The following ULK4 variants were observed in gnomAD, a reference collection of about 807,000 sequenced individuals.
ULK4 encodes the protein unc-51 like kinase 4.
A neutral mutation model predicts 160.6 loss-of-function variants in ULK4; 133 were observed. That is an observed-to-expected ratio of 0.83 (90% CI 0.72 to 0.96). ULK4 has a LOEUF of 0.96. Ranked by LOEUF, ULK4 falls within the 40% of genes least tolerant of loss-of-function variation. The pLI is 0.00. For synonymous variants in ULK4, 534 were observed against 539.8 expected, an observed-to-expected ratio of 0.99 and a Z score of 0.15; for missense variants, 1,580 against 1,499.5, an observed-to-expected ratio of 1.05 and a Z score of -0.89.
At chr3:41,760,953 G>A (rs959601915) in intron 21 of ULK4, among the ~76,000 whole-genome samples, 13 of 152,226 alleles carry the variant, frequency 8.5e-5, no homozygotes, top group Admixed American at 4.6e-4. Context: ...TGACATGGAT[G>A]AATCTCACCT....
At chr3:41,615,604 C>G in intron 31 of ULK4, 65 bp downstream of exon 31, 1 of 1,531,822 alleles carries the variant, frequency 6.5e-7, no homozygotes, top group Non-Finnish European at 9.0e-7. Context: ...AGTCCTACAA[C>G]ATGGTTAAAA....
intron 35 of ULK4, among the ~76,000 whole-genome samples, chr3:41,328,657 A>G (rs140932311): frequency 3.9e-5 from 6 of 152,286 alleles, no homozygotes; most frequent in African/African-American, 9.6e-5. Context: ...AAACTCTTGA[A>G]AGGTGCTGAG....
chr3:41,742,259 G>A (rs1221911414), intron 22 of ULK4, among the ~76,000 whole-genome samples: 1 of 151,980 alleles, frequency 6.6e-6, no homozygotes, highest in Non-Finnish European at 1.5e-5. Flanking sequence ...AGTGGAAGCA[G>A]TAACAGTTAC....
intron 21 of ULK4, among the ~76,000 whole-genome samples, chr3:41,775,227 TAATAAA>T (rs1040280722): frequency 2.7e-5 from 4 of 150,290 alleles, no homozygotes; most frequent in Non-Finnish European, 5.9e-5. Flanking sequence ...ATAATAAAAG[TAATAAA>T]AATAAAAGAA....
At chr3:41,484,568 T>A (rs2084445853) in intron 32 of ULK4, among the ~76,000 whole-genome samples, 1 of 151,618 alleles carries the variant, frequency 6.6e-6, no homozygotes, top group African/African-American at 2.4e-5. Flanking sequence ...TTCTACTGCC[T>A]CAGCCTCCGG....
At chr3:41,308,788 C>G (rs2079995718) in intron 35 of ULK4, among the ~76,000 whole-genome samples, 1 of 151,922 alleles carries the variant, frequency 6.6e-6, no homozygotes, top group Non-Finnish European at 1.5e-5. Context: ...TTGGATTAGA[C>G]ATGCTCAAGC....
intron 25 of ULK4, 81 bp downstream of exon 25, chr3:41,715,156 C>A: frequency 1.4e-6 from 2 of 1,383,036 alleles, no homozygotes; most frequent in Non-Finnish European, 2.0e-6. Context: ...TTTTAAATTA[C>A]CTCATTCTGA....
intron 21 of ULK4, among the ~76,000 whole-genome samples, chr3:41,757,769 G>A (rs1162592853): frequency 6.6e-6 from 1 of 151,300 alleles, no homozygotes; most frequent in Non-Finnish European, 1.5e-5. Flanking sequence ...GAGTAGCTGG[G>A]ACTACAGGTG....
At chr3:41,787,017 C>T (rs561844554) in intron 21 of ULK4, among the ~76,000 whole-genome samples, 80 of 152,078 alleles carry the variant, frequency 5.3e-4, no homozygotes, top group Non-Finnish European at 1.0e-3. Flanking sequence ...ACAGCTCTCT[C>T]AAACCAAAGG....
intron 34 of ULK4, 82 bp from the exon 35 acceptor site, chr3:41,398,346 G>C: frequency 7.1e-7 from 1 of 1,412,716 alleles, no homozygotes; most frequent in Non-Finnish European, 9.7e-7. Flanking sequence ...AATTTGGCTT[G>C]ATGGGGGTGT....
At position 41,796,484 on chromosome 3, in the gene ULK4, C is replaced by T. The variant is rs573581965; in HGVS notation, c.2010+3648G>A. 6.3e-4 allele frequency among the ~76,000 whole-genome samples: 96 copies of T among 152,022 alleles called. 1 individual carries two copies. The highest frequency in any genetic ancestry group is 2.0e-3 in the African/African-American group (85 of 41,490). Reference sequence around the variant, plus strand: ...GCATGCACCTGTAATCCCAGCTATTCGGGAAGCTGAGTCAGGAGAATCACT... The same window carrying T: ...GCATGCACCTGTAATCCCAGCTATTTGGGAAGCTGAGTCAGGAGAATCACT... On this transcript the variant is annotated intron_variant, in intron 20 of 36. Transcript: ENST00000301831.
chr3:41,612,380 T>C (rs1022357834), intron 31 of ULK4, among the ~76,000 whole-genome samples: 2 of 152,120 alleles, frequency 1.3e-5, no homozygotes, highest in African/African-American at 4.8e-5. Flanking sequence ...GGTCACTCCC[T>C]TCCCCGGGGT....
intron 17 of ULK4, among the ~76,000 whole-genome samples, chr3:41,839,973 ACT>A (rs1385265164): frequency 6.6e-6 from 1 of 152,214 alleles, no homozygotes; most frequent in East Asian, 1.9e-4. Flanking sequence ...AGATAGGAAG[ACT>A]CAACGTAGTG....
rs1045856706 is a variant in ULK4 at position 41,682,684 on chromosome 3, C to T, written c.2782-880G>A. Reference sequence around the variant, plus strand: ...GTGACAGTATATCTCAATATTTTTACAAGGACCCTAAGAACCAGGGGTGTT... The same window carrying T: ...GTGACAGTATATCTCAATATTTTTATAAGGACCCTAAGAACCAGGGGTGTT... On this transcript the variant is annotated intron_variant, in intron 27 of 36. Transcript: ENST00000301831. Among the ~76,000 whole-genome samples the T allele has an allele frequency of 3.3e-5, 5 of 152,204 alleles. No homozygotes were observed. In the South Asian group the frequency reaches 6.2e-4, roughly 19 times the overall value.
At chr3:41,860,652 G>T (rs1024739327) in intron 17 of ULK4, among the ~76,000 whole-genome samples, 1 of 152,098 alleles carries the variant, frequency 6.6e-6, no homozygotes, top group African/African-American at 2.4e-5. Context: ...AACAATCAAT[G>T]GGTCTTGTTT....
At chr3:41,839,079 G>A (rs2041838926) in intron 17 of ULK4, among the ~76,000 whole-genome samples, 1 of 152,158 alleles carries the variant, frequency 6.6e-6, no homozygotes, top group Non-Finnish European at 1.5e-5. Flanking sequence ...GCCAGGCAAG[G>A]TGGCTCATTC....
In ULK4 at chr3:41,771,511, T is replaced by C. The variant is rs183794331; in HGVS notation, c.2194-17023A>G. On this transcript the variant is annotated intron_variant, in intron 21 of 36. Transcript: ENST00000301831. ...TATTAGTAAACATCAAAAAAGCATG[T>C]AAGAATTTTTGAAATAAGAACTTAC... Among the ~76,000 whole-genome samples the C allele has an allele frequency of 9.7e-4, 148 of 152,282 alleles. 1 individual carries two copies. The highest frequency in any genetic ancestry group is 3.4e-3 in the African/African-American group (141 of 41,564).
intron 2 of ULK4, among the ~76,000 whole-genome samples, chr3:41,945,046 T>C (rs1167317114): frequency 2.0e-5 from 3 of 152,190 alleles, no homozygotes; most frequent in Non-Finnish European, 4.4e-5. Flanking sequence ...TGAAACAGAA[T>C]CTAGGCTCAA....
intron 35 of ULK4, among the ~76,000 whole-genome samples, chr3:41,371,636 C>T (rs1268646911): frequency 1.3e-5 from 2 of 152,148 alleles, no homozygotes; most frequent in African/African-American, 4.8e-5. Flanking sequence ...GACACTCCAT[C>T]CGAAGGTCAC....
Sources: allele counts gnomAD v4.1 joint callset (sites outside exome capture counted in the v4.1 genomes callset), GRCh38; gene constraint gnomAD v4.1.1; transcripts MANE v1.5; gene names NCBI Gene and HGNC (gene_info 2026-07-23, HGNC 2026-07-21).